Variants in BHMT2 observed in about 807,000 individuals in gnomAD.
The protein encoded by BHMT2 is betaine--homocysteine S-methyltransferase 2.
A neutral mutation model predicts 39.0 loss-of-function variants in BHMT2; 28 were observed. The ratio of observed to expected loss-of-function variants is 0.72; its 90% CI spans 0.53 to 0.98. The LOEUF (loss-of-function observed/expected upper bound fraction) is 0.98. BHMT2 is among the 50% of genes least tolerant of loss of function. BHMT2 has a pLI of 0.00. For missense variants in BHMT2, 410 were observed against 455.6 expected (o/e 0.90, Z 0.91); for synonymous variants, 145 against 160.6 (o/e 0.90, Z 0.74).
intron 7 of BHMT2, among the ~76,000 whole-genome samples, chr5:79,085,930 G>A (rs749360095): frequency 2.0e-5 from 3 of 152,126 alleles, no homozygotes; most frequent in Non-Finnish European, 4.4e-5. Context: ...GAAGAAAGAG[G>A]ATGGATAAAG....
At chr5:79,086,359 A>C (rs543500378) in intron 7 of BHMT2, among the ~76,000 whole-genome samples, 2 of 152,294 alleles carry the variant, frequency 1.3e-5, no homozygotes, top group South Asian at 4.1e-4. Context: ...CAGATTTTCC[A>C]GGGGACAGTC....
chr5:79,088,681 AGCT>A lies in BHMT2; in HGVS notation c.*112_*114del. On this transcript the variant is annotated 3_prime_UTR_variant, in exon 8 of 8. Transcript: ENST00000255192. ...ATCCTCACCATGCCCTGCTATCTCC[AGCT>A]GCTGAGCAGCTGAGGTGCTGCAGCC... The A allele has an allele frequency of 1.2e-6, 1 of 836,116 alleles. No homozygotes were observed. Among genetic ancestry groups the A allele is most frequent in the Non-Finnish European group, 1.9e-6 (1 of 521,148 alleles). The allele number at this position is 836,116 out of a possible 1,614,324, so 51.8% of individuals were successfully genotyped here.
intron 7 of BHMT2, among the ~76,000 whole-genome samples, chr5:79,086,180 C>T (rs1755889998): frequency 6.6e-6 from 1 of 152,180 alleles, no homozygotes; most frequent in Non-Finnish European, 1.5e-5. Context: ...CCCGGTAATT[C>T]TCTTGGGCCA....
chr5:79,082,844 G>A lies in BHMT2; in HGVS notation c.486G>A (p.Val162=), dbSNP rs748823114. 6.2e-6 allele frequency: 10 copies of A among 1,614,166 alleles called. No individual in the cohort carries two copies. The highest frequency in any genetic ancestry group is 5.5e-5 in the South Asian group (5 of 91,072). The change falls in exon 5 of 8, where the codon GTG becomes GTA. Residue 162 remains valine (V), a synonymous_variant. Transcript: ENST00000255192. The part of the protein sequence containing the change: ...FEHVEEAVWA[V]EVLKESDRPV... ...ACGTTGAAGAAGCTGTGTGGGCTGT[G>A]GAAGTCTTAAAAGAATCAGATAGAC... is the stretch of plus-strand genomic sequence containing the variant.
chr5:79,077,421 C>G (rs1755691597), intron 1 of BHMT2, 59 bp from the exon 2 acceptor site: 10 of 1,548,970 alleles, frequency 6.5e-6, no homozygotes, highest in Non-Finnish European at 8.7e-6. Flanking sequence ...TTAGAAAATG[C>G]TTTTAGGAAA....
rs1755511463 is a variant in BHMT2 at position 79,069,798 on chromosome 5, C to T, written c.16C>T (p.Arg6Cys). The T allele has an allele frequency of 1.4e-6, 2 of 1,435,538 alleles. No individual in the cohort carries two copies. Among genetic ancestry groups the T allele is most frequent in the Admixed American group, 5.5e-5 (2 of 36,652 alleles). The allele number at this position is 1,435,538 out of a possible 1,614,324, so 88.9% of individuals were successfully genotyped here. A position where few individuals can be genotyped will look rare whatever the true frequency, so the allele number is the denominator to read the frequency against. Residue 6 changes from arginine to cysteine, a missense_variant, in exon 1 of 8, where the codon CGC becomes TGC. Transcript: ENST00000255192. MAPAG[R>C]PGAKKGILER... The stretch of plus-strand genomic sequence containing the variant: ...CCGCGGCACCATGGCACCTGCTGGA[C>T]GCCCGGGGGCCAAGAAGGTGAGTTT...
At chr5:79,084,466 G>A (rs1755857063) in intron 7 of BHMT2, among the ~76,000 whole-genome samples, 1 of 152,206 alleles carries the variant, frequency 6.6e-6, no homozygotes, top group African/African-American at 2.4e-5. Context: ...TAGAGACGGG[G>A]TTTCACTATG....
At chr5:79,082,130 C>T (rs1755799906) in intron 4 of BHMT2, among the ~76,000 whole-genome samples, 1 of 152,210 alleles carries the variant, frequency 6.6e-6, no homozygotes, top group East Asian at 1.9e-4. Flanking sequence ...AGGGAAGAAA[C>T]AGGAAGATTT....
chr5:79,083,741 A>G lies in BHMT2; in HGVS notation c.895A>G (p.Arg299Gly). ...CTGTGGATTTGAGCCCTACCACATC[A>G]GGGCAATTGCAGAGGAGCTGGCCCC... is the stretch of plus-strand genomic sequence containing the variant. ...GCCGFEPYHIRAIAEELAPER... is the reference protein window; with the variant it reads ...GCCGFEPYHIGAIAEELAPER... Residue 299 changes from arginine to glycine, a missense_variant, in exon 7 of 8, where the codon AGG becomes GGG. Physicochemically the swap from Arg to Gly is moderately radical, Grantham distance 125 (BLOSUM62 -2). Transcript: ENST00000255192. 6.2e-7 allele frequency: 1 copy of G among 1,614,084 alleles called. No individual in the cohort carries two copies. Among genetic ancestry groups the G allele is most frequent in the Admixed American group, 1.7e-5 (1 of 60,018 alleles).
rs538983833 is a variant in BHMT2, at chr5:79,088,925, G to A, written c.*351G>A. ...ATTTGACACTTTAAAATAATCAGAA[G>A]TCACTGAGACCCAAAGCTAGTGAAT... On this transcript the variant is annotated 3_prime_UTR_variant, in exon 8 of 8. Coordinates refer to ENST00000255192, the MANE Select transcript of BHMT2 (RefSeq NM_017614.5). 4 of 179,184 alleles carry A rather than the reference G, an allele frequency of 2.2e-5. No homozygotes were observed. In the Admixed American group the frequency reaches 2.4e-4, roughly 11 times the overall value. The allele number at this position is 179,184 out of a possible 1,614,324, so 11.1% of individuals were successfully genotyped here.
intron 1 of BHMT2, among the ~76,000 whole-genome samples, chr5:79,074,819 G>C (rs1755644111): frequency 6.6e-6 from 1 of 152,196 alleles, no homozygotes; most frequent in African/African-American, 2.4e-5. Flanking sequence ...AGAGCCATGT[G>C]GCTAAACTCT....
Position 79,082,832 on chromosome 5 carries a change from T to C in BHMT2, c.474T>C (p.Ala158=). The change falls in exon 5 of 8, where the codon GCT becomes GCC. Residue 158 remains alanine, a synonymous_variant. Coordinates refer to ENST00000255192, the MANE Select transcript of BHMT2 (RefSeq NM_017614.5). ...IAEYFEHVEE[A]VWAVEVLKES... ...AGTATTTTGAGCACGTTGAAGAAGC[T>C]GTGTGGGCTGTGGAAGTCTTAAAAG... 3 of 1,614,152 alleles carry C rather than the reference T, an allele frequency of 1.9e-6. No individual in the cohort carries two copies.
intron 1 of BHMT2, chr5:79,071,169 G>A (rs1755560756): frequency 6.6e-6 from 1 of 152,166 alleles, no homozygotes; most frequent in African/African-American, 2.4e-5. Flanking sequence ...TGGGAGTTAA[G>A]GTGTTAATGG....
Position 79,083,297 on chromosome 5 carries a change from TC to T in BHMT2, c.705del (p.Met236TrpfsTer131), listed in dbSNP as rs1186012067. The T allele has an allele frequency of 6.2e-7, 1 of 1,613,830 alleles. No homozygotes were observed. Among genetic ancestry groups the T allele is most frequent in the East Asian group, 2.2e-5 (1 of 44,864 alleles). On this transcript the variant is annotated frameshift_variant, in exon 6 of 8. Coordinates refer to ENST00000255192, the MANE Select transcript of BHMT2 (RefSeq NM_017614.5). LOFTEE classifies it high-confidence loss of function. ...GAGTGGGCAGGGCTGAAAGCGCACC[TC>T]ATGGTGCAGCCTCTGGGGTTCCACG... is the stretch of plus-strand genomic sequence containing the variant. Reference protein sequence around the residue: ...GLEWAGLKAHLMVQPLGFHAP... With the variant: ...GLEWAGLKAHXMVQPLGFHAP...
chr5:79,078,487 A>G (rs1415787331), intron 2 of BHMT2, among the ~76,000 whole-genome samples: 1 of 152,264 alleles, frequency 6.6e-6, no homozygotes, highest in Non-Finnish European at 1.5e-5. Context: ...CACACAGCGT[A>G]TCAGATAAAC....
At chr5:79,071,843 A>G (rs1755585017) in intron 1 of BHMT2, among the ~76,000 whole-genome samples, 1 of 146,410 alleles carries the variant, frequency 6.8e-6, no homozygotes. Context: ...AAAAAAAAAA[A>G]AACTAAAGAA....
At chr5:79,082,524 T>C (rs1415355176) in intron 4 of BHMT2, 1 of 234,292 alleles carries the variant, frequency 4.3e-6, no homozygotes, top group Admixed American at 5.2e-5. Flanking sequence ...TCAATTACTT[T>C]GAAAACCTCT....
In BHMT2 at chr5:79,072,193, G is replaced by A. The variant is rs144454177; in HGVS notation, c.33+2378G>A. Among the ~76,000 whole-genome samples the A allele has an allele frequency of 7.0e-3, 1,062 of 152,174 alleles. 10 individuals carry two copies. Among genetic ancestry groups the A allele is most frequent in the African/African-American group, 0.024 (990 of 41,512 alleles). On this transcript the variant is annotated intron_variant, in intron 1 of 7. Coordinates refer to ENST00000255192, the MANE Select transcript of BHMT2 (RefSeq NM_017614.5). ...GAGGCAGGAGAATTGCTTGAACCCT[G>A]GAGGTGGAGGTTGCAGTGAGCTGAG... is the stretch of plus-strand genomic sequence containing the variant.
rs1228624034 is a variant in BHMT2 at position 79,088,775 on chromosome 5, C to G, written c.*201C>G. On this transcript the variant is annotated 3_prime_UTR_variant, in exon 8 of 8. Coordinates refer to ENST00000255192, the MANE Select transcript of BHMT2 (RefSeq NM_017614.5). The stretch of plus-strand genomic sequence containing the variant: ...TGCTGTGGTTAAGCACTGCAACAGA[C>G]TCTACCAGAGATGCAAAGAGAAGCG... The G allele has an allele frequency of 2.1e-6, 1 of 482,834 alleles. No homozygotes were observed. The highest frequency in any genetic ancestry group is 2.0e-5 in the African/African-American group (1 of 50,614). The allele number at this position is 482,834 out of a possible 1,614,324, so 29.9% of individuals were successfully genotyped here.
Sources: gnomAD v4.1 joint callset for allele counts (sites outside exome capture counted in the v4.1 genomes callset) on GRCh38, gnomAD v4.1.1 for gene constraint, MANE v1.5 for transcripts, NCBI Gene and HGNC (gene_info 2026-07-23, HGNC 2026-07-21) for gene names.